GRID2: variants seen among roughly 807,000 people sequenced by gnomAD.
GRID2 encodes the protein glutamate receptor ionotropic, delta-2.
GRID2 carries 33 observed loss-of-function variants against 114.8 expected under a neutral mutation model. That is an observed-to-expected ratio of 0.29 (90% CI 0.22 to 0.38). The LOEUF (loss-of-function observed/expected upper bound fraction) is 0.38. Among genes scored for constraint, GRID2 ranks in the 10% least tolerant of loss-of-function variants. GRID2 has a pLI of 1.00. For missense variants in GRID2, 1,184 were observed against 1,257.7 expected (o/e 0.94, Z 0.89); for synonymous variants, 505 against 449.9 (o/e 1.12, Z -1.55).
At chr4:92,656,609 A>G (rs1732250913) in intron 2 of GRID2, among the ~76,000 whole-genome samples, 1 of 151,770 alleles carries the variant, frequency 6.6e-6, no homozygotes, top group African/African-American at 2.4e-5. Context: ...AATCATCACA[A>G]TCTAATCATA....
chr4:93,130,048 G>A (rs924451129), intron 4 of GRID2, among the ~76,000 whole-genome samples: 1 of 152,128 alleles, frequency 6.6e-6, no homozygotes, highest in Admixed American at 6.5e-5. Context: ...TAGCTGAGAT[G>A]GCTGAAAACA....
chr4:93,255,274 A>G (rs1240048730), intron 8 of GRID2, among the ~76,000 whole-genome samples: 2 of 152,156 alleles, frequency 1.3e-5, no homozygotes, highest in Non-Finnish European at 2.9e-5. Context: ...TCTTACATAT[A>G]TATAGTGCCT....
intron 4 of GRID2, among the ~76,000 whole-genome samples, chr4:93,115,513 A>G (rs148420166): frequency 3.2e-4 from 49 of 152,228 alleles, no homozygotes; most frequent in Middle Eastern, 6.8e-3. Flanking sequence ...AGATCATTCT[A>G]TTGAGACATA....
chr4:93,687,663 A>G (rs79042524), intron 14 of GRID2, among the ~76,000 whole-genome samples: 6,256 of 152,094 alleles, frequency 0.041, 197 homozygotes, highest in African/African-American at 0.081. Flanking sequence ...AAGTTTGGGG[A>G]GAATAGTGAG....
At chr4:93,259,969 A>G (rs747479701) in intron 8 of GRID2, among the ~76,000 whole-genome samples, 1 of 151,778 alleles carries the variant, frequency 6.6e-6, no homozygotes, top group African/African-American at 2.4e-5. Flanking sequence ...CCCATGTGAT[A>G]TTAAAATTTG....
chr4:92,921,940 C>T (rs1039720733), intron 2 of GRID2, among the ~76,000 whole-genome samples: 1 of 152,216 alleles, frequency 6.6e-6, no homozygotes, highest in Admixed American at 6.5e-5. Flanking sequence ...GCCCTGCCCC[C>T]AGAGGTGGAG....
intron 11 of GRID2, among the ~76,000 whole-genome samples, chr4:93,459,919 T>A (rs1371305804): frequency 2.6e-5 from 4 of 152,202 alleles, no homozygotes; most frequent in Admixed American, 2.0e-4. Context: ...ATCTTGTATA[T>A]CCAACCATAA....
intron 13 of GRID2, among the ~76,000 whole-genome samples, chr4:93,564,297 T>TTTTATTTATTTATTTA (rs549091021): frequency 6.6e-6 from 1 of 151,846 alleles, no homozygotes; most frequent in Non-Finnish European, 1.5e-5. Flanking sequence ...ATGGATGTCC[T>TTTTATTTATTTATTTA]TTTATTTATT....
chr4:93,270,211 C>CACAT (rs747269495), intron 8 of GRID2, among the ~76,000 whole-genome samples: 7 of 104,908 alleles, frequency 6.7e-5, no homozygotes, highest in African/African-American at 3.7e-4. Flanking sequence ...CTCTCACACA[C>CACAT]ACATACACAC....
At chr4:92,702,832 C>G (rs1284606584) in intron 2 of GRID2, among the ~76,000 whole-genome samples, 1 of 151,824 alleles carries the variant, frequency 6.6e-6, no homozygotes. Context: ...TTTTTATGTG[C>G]CTTCTACAAA....
chr4:93,761,173 A>G (rs563752192), intron 14 of GRID2, among the ~76,000 whole-genome samples: 1 of 152,324 alleles, frequency 6.6e-6, no homozygotes, highest in African/African-American at 2.4e-5. Context: ...TGCACATGTC[A>G]TAACAGATAT....
At chr4:92,942,576 G>A (rs889400669) in intron 2 of GRID2, among the ~76,000 whole-genome samples, 11 of 152,172 alleles carry the variant, frequency 7.2e-5, no homozygotes, top group South Asian at 2.1e-4. Flanking sequence ...TACATTTAAG[G>A]TTCCTATTGT....
intron 4 of GRID2, among the ~76,000 whole-genome samples, chr4:93,166,385 AAAG>A (rs201911059): frequency 1.3e-5 from 2 of 152,152 alleles, no homozygotes; most frequent in East Asian, 3.9e-4. Context: ...GTGGGAAAGA[AAAG>A]AAGTCAGGTG....
At chr4:92,326,569 G>A (rs993277081) in intron 1 of GRID2, among the ~76,000 whole-genome samples, 2 of 151,962 alleles carry the variant, frequency 1.3e-5, no homozygotes, top group South Asian at 2.1e-4. Context: ...TCCATAATCT[G>A]TAATGAAAAT....
Position 93,603,215 on chromosome 4 carries a change from AAAAAG to A in GRID2, c.2194-23031_2194-23027del, listed in dbSNP as rs551268251. On this transcript the variant is annotated intron_variant, in intron 13 of 15. Transcript: ENST00000282020. The stretch of plus-strand genomic sequence containing the variant: ...ACAAAAGCAAGACTTCATCTCAAAA[AAAAAG>A]AAAAGAAAAGAAAAGAAAAGAACGT... Among the ~76,000 whole-genome samples, 799 of 152,266 alleles carry A rather than the reference AAAAAG, an allele frequency of 5.2e-3. 6 individuals are homozygous for A. Among genetic ancestry groups the A allele is most frequent in the South Asian group, 0.01 (50 of 4,820 alleles).
chr4:93,657,713 C>T (rs529886563), intron 14 of GRID2, among the ~76,000 whole-genome samples: 1 of 152,174 alleles, frequency 6.6e-6, no homozygotes, highest in African/African-American at 2.4e-5. Flanking sequence ...AAACTCAAAC[C>T]ACTAGTTCTA....
chr4:93,540,636 T>C (rs1732570456), intron 13 of GRID2, among the ~76,000 whole-genome samples: 1 of 152,156 alleles, frequency 6.6e-6, no homozygotes, highest in South Asian at 2.1e-4. Context: ...GTAAGAGATC[T>C]TAATTTTGCA....
At chr4:93,041,948 G>T (rs1470237992) in intron 2 of GRID2, among the ~76,000 whole-genome samples, 2 of 151,994 alleles carry the variant, frequency 1.3e-5, no homozygotes, top group Non-Finnish European at 2.9e-5. Context: ...TGTCACCCAG[G>T]CTGGAGTGCA....
chr4:93,717,916 A>T (rs1270299319), intron 14 of GRID2, among the ~76,000 whole-genome samples: 2 of 152,176 alleles, frequency 1.3e-5, no homozygotes, highest in African/African-American at 4.8e-5. Flanking sequence ...AAACATATTT[A>T]TGCAAGTGAG....
Sources: allele counts gnomAD v4.1 joint callset (sites outside exome capture counted in the v4.1 genomes callset), GRCh38; gene constraint gnomAD v4.1.1; transcripts MANE v1.5; gene names NCBI Gene and HGNC (gene_info 2026-07-23, HGNC 2026-07-21).